Variants in MRPL35 observed in about 807,000 individuals in gnomAD.
The protein encoded by MRPL35 is large ribosomal subunit protein bL35m.
In MRPL35, 18 loss-of-function variants were observed where a neutral mutation model predicts 21.6. The ratio of observed to expected loss-of-function variants is 0.83; its 90% CI spans 0.58 to 1.24. The LOEUF is 1.24. Ranked by LOEUF, MRPL35 falls within the 50% of genes most tolerant of loss-of-function variation. The pLI, the probability that MRPL35 is intolerant of heterozygous loss-of-function variation, is 0.00. For missense variants in MRPL35, 223 were observed against 223.2 expected, an observed-to-expected ratio of 1.00 and a Z score of 0.01; for synonymous variants, 87 against 86.9, an observed-to-expected ratio of 1.00 and a Z score of -0.01.
intron 1 of MRPL35, among the ~76,000 whole-genome samples, chr2:86,200,038 C>G (rs1673656945): frequency 6.6e-6 from 1 of 152,096 alleles, no homozygotes; most frequent in Admixed American, 6.6e-5. Flanking sequence ...CTACAGCCCC[C>G]GGCACAAGGG....
chr2:86,211,452 A>G lies in MRPL35; in HGVS notation c.*784A>G. On this transcript the variant is annotated 3_prime_UTR_variant, in exon 4 of 4. Coordinates refer to ENST00000337109, the MANE Select transcript of MRPL35 (RefSeq NM_016622.4). Reference sequence around the variant, plus strand: ...ATTAGCAGGTTTGCATGCAGCAAAAAAACAGTTATGTGAGCAGTTTCACTT... The same window carrying G: ...ATTAGCAGGTTTGCATGCAGCAAAAGAACAGTTATGTGAGCAGTTTCACTT... The G allele has an allele frequency of 1.0e-6, 1 of 985,472 alleles. No homozygotes were observed. Among genetic ancestry groups the G allele is most frequent in the Non-Finnish European group, 1.2e-6 (1 of 829,958 alleles). The allele number at this position is 985,472 out of a possible 1,614,324, so 61.0% of individuals were successfully genotyped here.
intron 3 of MRPL35, 150 bp downstream of exon 3, chr2:86,207,477 A>G: frequency 1.3e-6 from 1 of 789,754 alleles, no homozygotes; most frequent in Non-Finnish European, 1.8e-6. Context: ...CATCTCTACT[A>G]AAAATACAAA....
chr2:86,204,654 C>G (rs987308397), intron 1 of MRPL35, among the ~76,000 whole-genome samples: 9 of 152,124 alleles, frequency 5.9e-5, no homozygotes, highest in Non-Finnish European at 1.3e-4. Flanking sequence ...ATCCGGACCA[C>G]ACATCTAGGC....
chr2:86,208,707 ACTGGGCT>A (rs1443432117), intron 3 of MRPL35, among the ~76,000 whole-genome samples: 2 of 152,034 alleles, frequency 1.3e-5, no homozygotes, highest in Non-Finnish European at 2.9e-5. Flanking sequence ...TGTCCCTCTT[ACTGGGCT>A]CTGGGGCCCT....
At chr2:86,203,473 A>G (rs1673732360) in intron 1 of MRPL35, among the ~76,000 whole-genome samples, 1 of 152,226 alleles carries the variant, frequency 6.6e-6, no homozygotes, top group South Asian at 2.1e-4. Context: ...AATATTGTAT[A>G]AAATTAACTT....
In MRPL35 at chr2:86,211,574, A is replaced by G; in HGVS notation, c.*906A>G. ...ATTTACTGTAACAACATTTTTTCAT[A>G]GGAGAGTAAATAGCCCTTCAGCATG... On this transcript the variant is annotated 3_prime_UTR_variant, in exon 4 of 4. Coordinates refer to ENST00000337109, the MANE Select transcript of MRPL35 (RefSeq NM_016622.4). The G allele has an allele frequency of 1.0e-6, 1 of 985,416 alleles. No homozygotes were observed. Among genetic ancestry groups the G allele is most frequent in the Non-Finnish European group, 1.2e-6 (1 of 829,878 alleles). 61.0% of individuals were successfully genotyped at this position (985,416 alleles called of 1,614,324 possible). A position where few individuals can be genotyped will look rare whatever the true frequency, so the allele number is the denominator to read the frequency against.
At chr2:86,210,403 A>G (rs938037056) in intron 3 of MRPL35, 77 bp from the exon 4 acceptor site, 7 of 1,189,160 alleles carry the variant, frequency 5.9e-6, no homozygotes, top group South Asian at 1.8e-5. Context: ...TATTGGGTCT[A>G]TAAACCTTGA....
At chr2:86,203,998 T>G (rs1037967306) in intron 1 of MRPL35, among the ~76,000 whole-genome samples, 14 of 152,024 alleles carry the variant, frequency 9.2e-5, no homozygotes, top group African/African-American at 3.4e-4. Context: ...CGCTTTTTTT[T>G]TTTGAGATGG....
Position 86,213,427 on chromosome 2 carries a change from C to T in MRPL35, c.*2759C>T, listed in dbSNP as rs1483182961. 2.3e-6 allele frequency: 3 copies of T among 1,285,038 alleles called. No individual in the cohort carries two copies. The highest frequency in any genetic ancestry group is 3.0e-6 in the Non-Finnish European group (3 of 1,014,714). 79.6% of individuals were successfully genotyped at this position (1,285,038 alleles called of 1,614,324 possible). A position where few individuals can be genotyped will look rare whatever the true frequency, so the allele number is the denominator to read the frequency against. ...CTTTTCTTACTGCTGCTTTATTTTA[C>T]AGTGATTTTGTCAAACATAGAATAC... On this transcript the variant is annotated 3_prime_UTR_variant, in exon 4 of 4. Coordinates refer to ENST00000337109, the MANE Select transcript of MRPL35 (RefSeq NM_016622.4).
At chr2:86,208,952 C>G (rs528370679) in intron 3 of MRPL35, among the ~76,000 whole-genome samples, 7 of 152,196 alleles carry the variant, frequency 4.6e-5, no homozygotes, top group Non-Finnish European at 7.3e-5. Context: ...TTCCCTCCTT[C>G]CATTTTTGAA....
intron 3 of MRPL35, among the ~76,000 whole-genome samples, chr2:86,209,940 A>G (rs985390197): frequency 5.3e-5 from 8 of 152,288 alleles, no homozygotes; most frequent in African/African-American, 1.9e-4. Flanking sequence ...CCCAGGAGGT[A>G]GAGGCTGCAG....
chr2:86,202,349 T>C lies in MRPL35; in HGVS notation c.43+2816T>C, dbSNP rs140033119. Reference sequence around the variant, plus strand: ...TTCTGATACTCTGTGTCTTCACAAATACATTAACAAGCCATTGTTCCCAGC... The same window carrying C: ...TTCTGATACTCTGTGTCTTCACAAACACATTAACAAGCCATTGTTCCCAGC... On this transcript the variant is annotated intron_variant, in intron 1 of 3. Transcript: ENST00000337109. Among the ~76,000 whole-genome samples the C allele has an allele frequency of 3.0e-4, 45 of 152,348 alleles. No homozygotes were observed. The East Asian group carries it at 7.9e-3, about 27-fold the overall frequency.
Position 86,212,349 on chromosome 2 carries a change from A to G in MRPL35, c.*1681A>G. 1 of 1,611,338 alleles carries G rather than the reference A, an allele frequency of 6.2e-7. No homozygotes were observed. Among genetic ancestry groups the G allele is most frequent in the Non-Finnish European group, 8.5e-7 (1 of 1,178,794 alleles). On this transcript the variant is annotated 3_prime_UTR_variant, in exon 4 of 4. Coordinates refer to ENST00000337109, the MANE Select transcript of MRPL35 (RefSeq NM_016622.4). Reference sequence around the variant, plus strand: ...CCAATAAATAAAGAACAGACATTTGATTTGAGGTGAGGTAAAAGCCTGAAA... The same window carrying G: ...CCAATAAATAAAGAACAGACATTTGGTTTGAGGTGAGGTAAAAGCCTGAAA...
Position 86,206,094 on chromosome 2 carries a change from C to T in MRPL35, c.44-12C>T. On this transcript the variant is annotated splice_polypyrimidine_tract_variant and intron_variant, in intron 1 of 3. Coordinates refer to ENST00000337109, the MANE Select transcript of MRPL35 (RefSeq NM_016622.4). ...TTTGGAGTATTAAATATATATGCTC[C>T]TATCTTTACAGGAATCCTACGGCCC... The T allele has an allele frequency of 6.3e-7, 1 of 1,593,172 alleles. No homozygotes were observed. The highest frequency in any genetic ancestry group is 8.6e-7 in the Non-Finnish European group (1 of 1,164,058).
At chr2:86,210,298 A>C (rs1673875195) in intron 3 of MRPL35, among the ~76,000 whole-genome samples, 182 bp from the exon 4 acceptor site, 1 of 148,768 alleles carries the variant, frequency 6.7e-6, no homozygotes. Flanking sequence ...TGCTTTCTCC[A>C]TCCCCCTCCC....
chr2:86,202,901 G>A (rs964862186), intron 1 of MRPL35, among the ~76,000 whole-genome samples: 5 of 151,358 alleles, frequency 3.3e-5, no homozygotes, highest in Non-Finnish European at 7.4e-5. Flanking sequence ...TGTTGGCCAA[G>A]CTGGTCGCAA....
At chr2:86,209,413 A>G (rs1157608444) in intron 3 of MRPL35, among the ~76,000 whole-genome samples, 1 of 152,238 alleles carries the variant, frequency 6.6e-6, no homozygotes, top group African/African-American at 2.4e-5. Context: ...CCAGATGTTA[A>G]TTAAGCTGGA....
intron 3 of MRPL35, among the ~76,000 whole-genome samples, chr2:86,207,855 C>T (rs554502821): frequency 6.6e-6 from 1 of 152,224 alleles, no homozygotes; most frequent in African/African-American, 2.4e-5. Context: ...TGCAGTGAGC[C>T]AAGATCACGC....
At position 86,207,240 on chromosome 2, in the gene MRPL35, C is replaced by T. The variant is rs1673818235; in HGVS notation, c.291C>T (p.Phe97=). 1 of 1,613,960 alleles carries T rather than the reference C, an allele frequency of 6.2e-7. No homozygotes were observed. The highest frequency in any genetic ancestry group is 1.1e-5 in the South Asian group (1 of 91,076). The change falls in exon 3 of 4, where the codon TTC becomes TTT. Residue 97 remains phenylalanine, a synonymous_variant. Transcript: ENST00000337109. ...LKLPVRSLTY[F]SARKGKRKTV... ...TGCCAGTCAGATCTCTAACATACTT[C>T]AGTGCAAGAAAAGGCAAGAGAAAGA...
Sources: allele counts gnomAD v4.1 joint callset (sites outside exome capture counted in the v4.1 genomes callset), GRCh38; gene constraint gnomAD v4.1.1; transcripts MANE v1.5; gene names NCBI Gene and HGNC (gene_info 2026-07-23, HGNC 2026-07-21).